ATF2: variants seen among roughly 807,000 people sequenced by gnomAD.
ATF2 encodes cyclic AMP-dependent transcription factor ATF-2.
Under a neutral mutation model 60.6 loss-of-function variants are expected in ATF2, and 24 were observed. The ratio of observed to expected loss-of-function variants is 0.40; its 90% CI spans 0.29 to 0.56. ATF2 has a LOEUF of 0.56. ATF2 is among the 20% of genes least tolerant of loss of function. ATF2 has a pLI of 0.54. For synonymous variants in ATF2, 206 were observed against 215.4 expected (o/e 0.96, Z 0.38); for missense variants, 433 against 607.7 (o/e 0.71, Z 3.02).
intron 12 of ATF2, among the ~76,000 whole-genome samples, chr2:175,085,583 C>CGTGT (rs1694109321): frequency 6.6e-6 from 1 of 151,154 alleles, no homozygotes; most frequent in Non-Finnish European, 1.5e-5. Context: ...CACACACACA[C>CGTGT]ACACACACAC....
chr2:175,135,250 G>C (rs1013934608), intron 3 of ATF2, among the ~76,000 whole-genome samples: 2 of 152,120 alleles, frequency 1.3e-5, no homozygotes, highest in Non-Finnish European at 2.9e-5. Context: ...GGTTGGACCA[G>C]GCTGACAGCA....
chr2:175,092,577 A>C (rs1694627063), intron 12 of ATF2: 1 of 453,828 alleles, frequency 2.2e-6, no homozygotes. Context: ...TTCAGTTTCC[A>C]AAGCTGTCAA....
intron 4 of ATF2, among the ~76,000 whole-genome samples, chr2:175,129,920 C>T (rs1362632638): frequency 1.3e-5 from 2 of 151,918 alleles, no homozygotes; most frequent in African/African-American, 4.8e-5. Flanking sequence ...AGATATAATG[C>T]TCCCCCCCTC....
intron 11 of ATF2, among the ~76,000 whole-genome samples, chr2:175,093,912 A>T (rs1215634697): frequency 6.6e-6 from 1 of 152,116 alleles, no homozygotes. Flanking sequence ...AGGAGCCTTA[A>T]TTTTCATTTT....
intron 1 of ATF2, among the ~76,000 whole-genome samples, chr2:175,154,990 T>C (rs1189704838): frequency 6.6e-6 from 1 of 152,170 alleles, no homozygotes; most frequent in Non-Finnish European, 1.5e-5. Flanking sequence ...TTAGCTTCTG[T>C]CCCTGTGGGA....
intron 13 of ATF2, chr2:175,080,202 C>T (rs1693669973): frequency 6.6e-6 from 1 of 152,052 alleles, no homozygotes. Context: ...ACAATGCTGA[C>T]ATTATCTAAG....
chr2:175,126,156 A>T (rs191417008), intron 4 of ATF2, among the ~76,000 whole-genome samples: 39 of 152,312 alleles, frequency 2.6e-4, no homozygotes, highest in Non-Finnish European at 7.3e-5. Context: ...CTGAATTATC[A>T]TCTTATCCTA....
intron 1 of ATF2, among the ~76,000 whole-genome samples, chr2:175,159,612 A>G (rs1699895280): frequency 6.6e-6 from 1 of 152,340 alleles, no homozygotes; most frequent in East Asian, 1.9e-4. Context: ...AGACTGTATT[A>G]TGAGTATGTG....
intron 2 of ATF2, among the ~76,000 whole-genome samples, chr2:175,149,434 C>T (rs754190424): frequency 3.7e-4 from 56 of 152,096 alleles, no homozygotes; most frequent in Non-Finnish European, 1.3e-4. Context: ...ATTTTAAGTA[C>T]GTGAACTAAA....
In ATF2 at chr2:175,114,733, T is replaced by A; in HGVS notation, c.583A>T (p.Ser195Cys). ...GATGGTGCCTGGGTGATTACAGTAC[T>A]TGAGGTTGGTGAAGGTACTGCCTGC... ...IQQAVPSPTSSTVITQAPSSN... is the reference protein window; with the variant it reads ...IQQAVPSPTSCTVITQAPSSN... Residue 195 changes from serine (S) to cysteine (C), a missense_variant, in exon 8 of 14, where the codon AGT (serine) becomes TGT (cysteine). Around this residue, in one of 5 missense-constraint regions of ATF2, gnomAD observed 246 missense variants for 309.3 expected, o/e 0.80. Coordinates refer to ENST00000264110, the MANE Select transcript of ATF2 (RefSeq NM_001880.4). 6.2e-7 allele frequency: 1 copy of A among 1,613,994 alleles called. No homozygotes were observed.
chr2:175,102,393 C>A (rs903135784), intron 10 of ATF2, among the ~76,000 whole-genome samples: 2 of 152,060 alleles, frequency 1.3e-5, no homozygotes, highest in Non-Finnish European at 2.9e-5. Flanking sequence ...TTACTAAGAT[C>A]AAAAATCTCT....
intron 1 of ATF2, among the ~76,000 whole-genome samples, chr2:175,163,272 G>A (rs1700137842): frequency 6.6e-6 from 1 of 151,950 alleles, no homozygotes; most frequent in Non-Finnish European, 1.5e-5. Context: ...GAATGACAAA[G>A]GTTTCGGTTC....
At chr2:175,097,685 C>T (rs1190212041) in intron 10 of ATF2, 92 bp from the exon 11 acceptor site, 16 of 1,389,526 alleles carry the variant, frequency 1.2e-5, no homozygotes, top group Non-Finnish European at 9.9e-7. Flanking sequence ...TGGGTAGTTT[C>T]CCTGAGTCCT....
At position 175,084,659 on chromosome 2, in the gene ATF2, T is replaced by TAA. The variant is rs1248781437; in HGVS notation, c.1186-3896_1186-3895dup. 1.8e-3 allele frequency among the ~76,000 whole-genome samples: 252 copies of TAA among 143,912 alleles called. 2 individuals carry two copies. Among genetic ancestry groups the TAA allele is most frequent in the African/African-American group, 5.8e-3 (226 of 39,038 alleles). 94.4% of individuals were successfully genotyped at this position (143,912 alleles called of 152,430 possible). A position where few individuals can be genotyped will look rare whatever the true frequency, so the allele number is the denominator to read the frequency against. ...TAAAGTATAAAAAAAAAAAAAAAGT[T>TAA]AAAAAAAAAAAGAATGCATAGGAAA... On this transcript the variant is annotated intron_variant, in intron 12 of 13. Coordinates refer to ENST00000264110, the MANE Select transcript of ATF2 (RefSeq NM_001880.4).
intron 1 of ATF2, among the ~76,000 whole-genome samples, chr2:175,154,234 AATATATATAT>A (rs372519893): frequency 7.6e-6 from 1 of 131,626 alleles, no homozygotes; most frequent in Non-Finnish European, 1.7e-5. Flanking sequence ...AGAAAAAAAA[AATATATATAT>A]ATATATATTT....
At chr2:175,165,365 T>G (rs1700285708) in intron 1 of ATF2, among the ~76,000 whole-genome samples, 1 of 152,190 alleles carries the variant, frequency 6.6e-6, no homozygotes. Context: ...ATATTTCATA[T>G]TGGAAGGAAG....
At chr2:175,167,501 A>G (rs1700439971) in intron 1 of ATF2, 1 of 415,288 alleles carries the variant, frequency 2.4e-6, no homozygotes, top group Non-Finnish European at 5.1e-6. Context: ...CACCGCAGCC[A>G]GGGACCCTGA....
At chr2:175,094,519 A>C (rs1442224352) in intron 11 of ATF2, among the ~76,000 whole-genome samples, 1 of 151,910 alleles carries the variant, frequency 6.6e-6, no homozygotes, top group Admixed American at 6.6e-5. Flanking sequence ...GCCTGAAAAC[A>C]ATCTTTTACC....
intron 1 of ATF2, 92 bp from the exon 2 acceptor site, chr2:175,151,250 T>A (rs933023342): frequency 2.6e-5 from 4 of 152,278 alleles, no homozygotes; most frequent in Middle Eastern, 3.4e-3. Context: ...ATAGAATTTT[T>A]AAAAATGTTT....
Sources: allele counts gnomAD v4.1 joint callset (sites outside exome capture counted in the v4.1 genomes callset), GRCh38; gene constraint gnomAD v4.1.1; regional missense constraint gnomAD v4.1.1; transcripts MANE v1.5; gene names NCBI Gene and HGNC (gene_info 2026-07-23, HGNC 2026-07-21).